HPCAL1: variants seen among roughly 807,000 people sequenced by gnomAD.
HPCAL1 encodes the protein hippocalcin-like protein 1.
A neutral mutation model predicts 17.1 loss-of-function variants in HPCAL1; 8 were observed. The observed-to-expected ratio is 0.47, with a 90% CI of 0.27 to 0.84. The LOEUF (loss-of-function observed/expected upper bound fraction) is 0.84, where lower values mean the gene tolerates loss of function less well. HPCAL1 is among the 40% of genes least tolerant of loss of function. The probability of loss-of-function intolerance (pLI) is 0.13; values close to 1 mark genes in which losing one functional copy is unlikely to be tolerated. For missense variants in HPCAL1, 165 were observed against 271.1 expected (o/e 0.61, Z 2.75); for synonymous variants, 112 against 111.4 (o/e 1.01, Z -0.03).
intron 2 of HPCAL1, chr2:10,408,719 C>T (rs1303159571): frequency 6.6e-6 from 1 of 152,194 alleles, no homozygotes; most frequent in East Asian, 1.9e-4. Flanking sequence ...AAAAGAGAAC[C>T]GTGTGGGACT....
chr2:10,372,892 G>A (rs1474940146), intron 1 of HPCAL1, among the ~76,000 whole-genome samples: 6 of 152,218 alleles, frequency 3.9e-5, no homozygotes, highest in Admixed American at 2.6e-4. Flanking sequence ...CCGGGACTGT[G>A]GCCCCCCTCC....
intron 2 of HPCAL1, among the ~76,000 whole-genome samples, chr2:10,399,458 C>A (rs969425211): frequency 8.8e-6 from 1 of 113,568 alleles, no homozygotes; most frequent in Admixed American, 1.0e-4. Context: ...TCACCACCAC[C>A]ACCACCATCA....
chr2:10,357,231 G>A (rs1006510507), intron 1 of HPCAL1, among the ~76,000 whole-genome samples: 2 of 152,188 alleles, frequency 1.3e-5, no homozygotes, highest in Non-Finnish European at 2.9e-5. Context: ...GGTGGCTGAG[G>A]TGGGACATGA....
At chr2:10,382,238 C>T (rs542284039) in intron 1 of HPCAL1, among the ~76,000 whole-genome samples, 2 of 152,040 alleles carry the variant, frequency 1.3e-5, no homozygotes, top group Admixed American at 6.6e-5. Flanking sequence ...AAAGGCAAAG[C>T]GATGGAGATA....
At chr2:10,334,978 C>T (rs1664631367) in intron 1 of HPCAL1, among the ~76,000 whole-genome samples, 1 of 152,222 alleles carries the variant, frequency 6.6e-6, no homozygotes, top group African/African-American at 2.4e-5. Context: ...GTGCCAGCCC[C>T]CATTGTCTAA....
Position 10,343,628 on chromosome 2 carries a change from G to A in HPCAL1, c.-111+40451G>A, listed in dbSNP as rs1160211789. ...TGGGTTTGCAAGCTGCCACTGCTTT[G>A]ACTGCAGACACTGGATTGACCGTGG... On this transcript the variant is annotated intron_variant, in intron 1 of 4. Coordinates refer to ENST00000307845, the MANE Select transcript of HPCAL1 (RefSeq NM_002149.4). This position sits in a 1 kb window ranked among gnomAD's most constrained non-coding sequence, Gnocchi z 4.8. 6.6e-6 allele frequency among the ~76,000 whole-genome samples: 1 copy of A among 152,226 alleles called. No homozygotes were observed. Among genetic ancestry groups the A allele is most frequent in the Non-Finnish European group, 1.5e-5 (1 of 68,036 alleles).
At chr2:10,374,333 G>A (rs769939949) in intron 1 of HPCAL1, among the ~76,000 whole-genome samples, 4 of 151,870 alleles carry the variant, frequency 2.6e-5, no homozygotes, top group South Asian at 2.1e-4. Context: ...ACTGGTGGTC[G>A]CCTTCTCACA....
intron 1 of HPCAL1, among the ~76,000 whole-genome samples, chr2:10,335,542 G>C (rs1357920902): frequency 6.6e-6 from 1 of 152,220 alleles, no homozygotes; most frequent in Non-Finnish European, 1.5e-5. Context: ...AATGTTTGTT[G>C]TTTTCGGCTG....
In HPCAL1 at chr2:10,423,258, A is replaced by C. The variant is rs555077831; in HGVS notation, c.484+170A>C. ...AGGGAAGAGCGGGATGCAGTCAGGG[A>C]CACCCGTGCTGTATCCTGGCTCCTC... On this transcript the variant is annotated intron_variant, in intron 4 of 4. Transcript: ENST00000307845. 134 of 632,776 alleles carry C rather than the reference A, an allele frequency of 2.1e-4. No homozygotes were observed. The East Asian group carries it at 3.5e-3, about 16-fold the overall frequency. The allele number at this position is 632,776 out of a possible 1,614,324, so 39.2% of individuals were successfully genotyped here.
At chr2:10,396,444 C>T (rs73914074) in intron 1 of HPCAL1, among the ~76,000 whole-genome samples, 7,440 of 152,256 alleles carry the variant, frequency 0.049, 611 homozygotes, top group African/African-American at 0.17. Context: ...TGGGTGAGGA[C>T]GGAGGCTGTG....
chr2:10,419,647 G>A lies in HPCAL1; in HGVS notation c.-24-87G>A, dbSNP rs2148030951. On this transcript the variant is annotated intron_variant, in intron 2 of 4. Coordinates refer to ENST00000307845, the MANE Select transcript of HPCAL1 (RefSeq NM_002149.4). The surrounding 1 kb of genome is among the most constrained non-coding windows in gnomAD (Gnocchi z 5.0). ...TGCTGAGTCGCAGCGCTTGCACAGC[G>A]ATGGGCTTATTTGGTCTCTCCGGCA... 7.5e-7 allele frequency: 1 copy of A among 1,331,024 alleles called. No individual in the cohort carries two copies. Among genetic ancestry groups the A allele is most frequent in the Non-Finnish European group, 1.0e-6 (1 of 988,846 alleles). The allele number at this position is 1,331,024 out of a possible 1,614,324, so 82.5% of individuals were successfully genotyped here.
chr2:10,333,256 G>GA (rs1223370592), intron 1 of HPCAL1, among the ~76,000 whole-genome samples: 1 of 152,244 alleles, frequency 6.6e-6, no homozygotes, highest in Non-Finnish European at 1.5e-5. Flanking sequence ...CAAGGAGCGT[G>GA]AATCAGGTGG....
At chr2:10,399,232 CCACCACCAT>C (rs1669284150) in intron 2 of HPCAL1, among the ~76,000 whole-genome samples, 5 of 72,598 alleles carry the variant, frequency 6.9e-5, no homozygotes, top group African/African-American at 2.0e-4. Context: ...ACCACCACCA[CCACCACCAT>C]CACCACCACC....
At chr2:10,371,221 C>T (rs1040152755) in intron 1 of HPCAL1, among the ~76,000 whole-genome samples, 6 of 152,102 alleles carry the variant, frequency 3.9e-5, no homozygotes, top group African/African-American at 1.2e-4. Context: ...GGCTGGCCAC[C>T]GGGGTTGGAG....
chr2:10,361,986 G>A (rs144604888), intron 1 of HPCAL1, among the ~76,000 whole-genome samples: 15 of 152,300 alleles, frequency 9.8e-5, no homozygotes, highest in African/African-American at 3.6e-4. Flanking sequence ...GGGATTACAG[G>A]CATGAGCTGC....
intron 1 of HPCAL1, among the ~76,000 whole-genome samples, chr2:10,346,915 T>C (rs1244283788): frequency 7.1e-6 from 1 of 141,554 alleles, no homozygotes; most frequent in Non-Finnish European, 1.5e-5. Flanking sequence ...TGGAGGATGT[T>C]AGATTTTAAA....
At chr2:10,371,195 T>G (rs949785497) in intron 1 of HPCAL1, among the ~76,000 whole-genome samples, 1 of 152,008 alleles carries the variant, frequency 6.6e-6, no homozygotes, top group Non-Finnish European at 1.5e-5. Context: ...CATTTGCAGT[T>G]TGGGTTAGTG....
chr2:10,340,383 G>T (rs1013863609), intron 1 of HPCAL1, among the ~76,000 whole-genome samples: 1 of 152,238 alleles, frequency 6.6e-6, no homozygotes, highest in African/African-American at 2.4e-5. Flanking sequence ...GCTAAGAACT[G>T]TGCCACTATC....
intron 1 of HPCAL1, among the ~76,000 whole-genome samples, chr2:10,307,024 T>A (rs1662671116): frequency 6.6e-6 from 1 of 152,210 alleles, no homozygotes; most frequent in African/African-American, 2.4e-5. Flanking sequence ...CTGGGTTGTC[T>A]GGGTATTTGG....
Sources: allele counts gnomAD v4.1 joint callset (sites outside exome capture counted in the v4.1 genomes callset), GRCh38; gene constraint gnomAD v4.1.1; non-coding constraint Gnocchi (gnomAD v3.1); transcripts MANE v1.5; gene names NCBI Gene and HGNC (gene_info 2026-07-23, HGNC 2026-07-21).